The following CDH13 variants were observed in gnomAD, a reference collection of about 807,000 sequenced individuals.
CDH13 encodes the protein cadherin 13.
A neutral mutation model predicts 63.8 loss-of-function variants in CDH13; 24 were observed. The ratio of observed to expected loss-of-function variants is 0.38; its 90% CI spans 0.27 to 0.53. CDH13 has a LOEUF of 0.53. Ranked by LOEUF, CDH13 falls within the 20% of genes least tolerant of loss-of-function variation. The pLI is 0.85. For missense variants in CDH13, 1,049 were observed against 903.1 expected, an observed-to-expected ratio of 1.16 and a Z score of -2.07; for synonymous variants, 503 against 355.3, an observed-to-expected ratio of 1.42 and a Z score of -4.67.
chr16:83,306,713 G>T (rs1214752392), intron 5 of CDH13, among the ~76,000 whole-genome samples: 1 of 152,190 alleles, frequency 6.6e-6, no homozygotes, highest in African/African-American at 2.4e-5. Context: ...TAGGCTGGAG[G>T]GGTAGGTGAG....
chr16:83,748,066 T>C (rs745795122), intron 10 of CDH13, 42 bp from the exon 11 acceptor site: 4 of 1,611,452 alleles, frequency 2.5e-6, no homozygotes, highest in Non-Finnish European at 3.4e-6. Context: ...TTCTTGAATC[T>C]ACTTTGAATG....
chr16:82,777,484 G>A (rs991738360), intron 1 of CDH13, among the ~76,000 whole-genome samples: 42 of 152,168 alleles, frequency 2.8e-4, no homozygotes, highest in African/African-American at 8.0e-4. Context: ...CCCCTGGGTG[G>A]GCCTGAGCTG....
At chr16:83,039,577 G>T (rs1048114839) in intron 3 of CDH13, among the ~76,000 whole-genome samples, 1 of 152,122 alleles carries the variant, frequency 6.6e-6, no homozygotes, top group African/African-American at 2.4e-5. Context: ...TATAGGAACA[G>T]TCTCTTCCCT....
At chr16:83,144,326 C>G (rs1470903561) in intron 4 of CDH13, among the ~76,000 whole-genome samples, 2 of 152,286 alleles carry the variant, frequency 1.3e-5, no homozygotes, top group African/African-American at 4.8e-5. Context: ...ACCACCTAAC[C>G]AATATGCTAC....
chr16:82,917,367 G>T (rs996808641), intron 2 of CDH13, among the ~76,000 whole-genome samples: 8 of 152,094 alleles, frequency 5.3e-5, no homozygotes. Context: ...GGAAAATTTA[G>T]ATATGTTAAA....
intron 1 of CDH13, among the ~76,000 whole-genome samples, chr16:82,686,959 C>A (rs1001933031): frequency 6.6e-6 from 1 of 152,170 alleles, no homozygotes; most frequent in South Asian, 2.1e-4. Flanking sequence ...AATGAGAGCT[C>A]AACATTTGTA....
intron 2 of CDH13, among the ~76,000 whole-genome samples, chr16:82,893,797 A>T (rs1471122877): frequency 6.6e-6 from 1 of 151,810 alleles, no homozygotes; most frequent in Non-Finnish European, 1.5e-5. Context: ...TACTCTTCCC[A>T]CTCTGCATCT....
At chr16:82,681,190 A>G (rs1914504435) in intron 1 of CDH13, among the ~76,000 whole-genome samples, 1 of 152,256 alleles carries the variant, frequency 6.6e-6, no homozygotes, top group East Asian at 1.9e-4. Flanking sequence ...AGAAGAAGGA[A>G]TGAAGTACTC....
At chr16:83,246,434 C>A (rs1175175751) in intron 5 of CDH13, among the ~76,000 whole-genome samples, 1 of 152,172 alleles carries the variant, frequency 6.6e-6, no homozygotes, top group African/African-American at 2.4e-5. Flanking sequence ...TTTTGATTTT[C>A]TGCTTTGCTG....
chr16:83,771,493 G>A (rs1030034824), intron 11 of CDH13, among the ~76,000 whole-genome samples: 4 of 152,340 alleles, frequency 2.6e-5, no homozygotes, highest in Middle Eastern at 3.4e-3. Context: ...AGCAGAGGTT[G>A]AATGCCAGGA....
chr16:83,429,511 GACAC>G (rs71148834), intron 6 of CDH13, among the ~76,000 whole-genome samples: 6 of 149,016 alleles, frequency 4.0e-5, no homozygotes, highest in East Asian at 2.0e-4. Flanking sequence ...AGACAATGAA[GACAC>G]ACACACACAC....
chr16:83,529,746 A>T (rs1452296663), intron 7 of CDH13, among the ~76,000 whole-genome samples: 1 of 152,202 alleles, frequency 6.6e-6, no homozygotes, highest in East Asian at 1.9e-4. Context: ...CTATTAAACG[A>T]CCACATAAAA....
At chr16:83,236,355 A>G (rs1022911477) in intron 5 of CDH13, among the ~76,000 whole-genome samples, 1 of 152,274 alleles carries the variant, frequency 6.6e-6, no homozygotes, top group East Asian at 1.9e-4. Context: ...CATAGTAAAG[A>G]TATTTTGAAG....
intron 7 of CDH13, among the ~76,000 whole-genome samples, chr16:83,490,282 G>A (rs773192491): frequency 5.9e-5 from 9 of 152,220 alleles, no homozygotes; most frequent in Non-Finnish European, 1.0e-4. Context: ...GATGCAAGAT[G>A]AGTGGGGAGG....
At chr16:82,991,180 A>C (rs937004686) in intron 2 of CDH13, among the ~76,000 whole-genome samples, 20 of 152,218 alleles carry the variant, frequency 1.3e-4, no homozygotes, top group Non-Finnish European at 2.8e-4. Flanking sequence ...ACTATTTCAA[A>C]CTAATAGCAA....
At chr16:82,779,236 A>G (rs1189619972) in intron 1 of CDH13, among the ~76,000 whole-genome samples, 1 of 152,206 alleles carries the variant, frequency 6.6e-6, no homozygotes, top group African/African-American at 2.4e-5. Flanking sequence ...TCTAGATGAG[A>G]AAACCGAGGT....
intron 1 of CDH13, among the ~76,000 whole-genome samples, chr16:82,752,434 A>C (rs899547584): frequency 6.6e-6 from 1 of 152,168 alleles, no homozygotes; most frequent in Non-Finnish European, 1.5e-5. Context: ...TCTCCTCTGC[A>C]GTACTTCATT....
chr16:83,031,974 A>G lies in CDH13; in HGVS notation c.158-36A>G, dbSNP rs774362680. 8.6e-6 allele frequency: 13 copies of G among 1,513,200 alleles called. No individual in the cohort carries two copies. The East Asian group carries it at 9.8e-5, about 11-fold the overall frequency. The allele number at this position is 1,513,200 out of a possible 1,614,324, so 93.7% of individuals were successfully genotyped here. ...ATCTCAGAGATAAGCTGCCCAACCT[A>G]CTCATGCTCCTTCTGTTGTTTCGTT... On this transcript the variant is annotated intron_variant, in intron 2 of 13. Transcript: ENST00000567109.
At chr16:82,851,095 C>T (rs1317320014) in intron 1 of CDH13, among the ~76,000 whole-genome samples, 6 of 152,080 alleles carry the variant, frequency 3.9e-5, no homozygotes, top group African/African-American at 9.7e-5. Context: ...TGTTGGGTAG[C>T]ATCTTTTAGA....
Sources: allele counts gnomAD v4.1 joint callset (sites outside exome capture counted in the v4.1 genomes callset), GRCh38; gene constraint gnomAD v4.1.1; transcripts MANE v1.5; gene names NCBI Gene and HGNC (gene_info 2026-07-23, HGNC 2026-07-21).